Variants in GALNTL6 observed in about 807,000 individuals in gnomAD.
GALNTL6 encodes polypeptide N-acetylgalactosaminyltransferase-like 6.
In GALNTL6, 46 loss-of-function variants were observed where a neutral mutation model predicts 73.7. The ratio of observed to expected loss-of-function variants is 0.62; its 90% CI spans 0.49 to 0.80. GALNTL6 has a LOEUF of 0.80. Ranked by LOEUF, GALNTL6 falls within the 30% of genes least tolerant of loss-of-function variation. GALNTL6 has a pLI of 0.00. For missense variants in GALNTL6, 604 were observed against 755.0 expected (o/e 0.80, Z 2.34); for synonymous variants, 259 against 263.7 (o/e 0.98, Z 0.17).
At chr4:171,926,631 T>C (rs1221808608) in intron 2 of GALNTL6, among the ~76,000 whole-genome samples, 1 of 152,138 alleles carries the variant, frequency 6.6e-6, no homozygotes, top group Non-Finnish European at 1.5e-5. Context: ...TTAAAAAACT[T>C]ACAATAAAAG....
intron 9 of GALNTL6, among the ~76,000 whole-genome samples, chr4:172,948,111 T>C (rs1749262245): frequency 6.6e-6 from 1 of 152,216 alleles, no homozygotes; most frequent in Admixed American, 6.5e-5. Context: ...TTGAATATAA[T>C]AATTGACACT....
At chr4:172,672,199 G>C (rs1487043795) in intron 5 of GALNTL6, among the ~76,000 whole-genome samples, 1 of 152,140 alleles carries the variant, frequency 6.6e-6, no homozygotes, top group African/African-American at 2.4e-5. Context: ...CCAATACCTA[G>C]TTTATTGACT....
rs200890298 is a variant in GALNTL6 at position 171,887,853 on chromosome 4, TCAAA to T, written c.138+73148_138+73151del. Among the ~76,000 whole-genome samples, 783 of 152,268 alleles carry T rather than the reference TCAAA, an allele frequency of 5.1e-3. 7 individuals are homozygous for T. Among genetic ancestry groups the T allele is most frequent in the African/African-American group, 0.016 (658 of 41,564 alleles). On this transcript the variant is annotated intron_variant, in intron 2 of 12. Coordinates refer to ENST00000506823, the MANE Select transcript of GALNTL6 (RefSeq NM_001034845.3). ...CCTCCCACTAGGGTTTTTCTCATTGTCAAACAAACAAACAAAAAATAAACGTAAT... is the reference window on the plus strand; with the variant it reads ...CCTCCCACTAGGGTTTTTCTCATTGTCAAACAAACAAAAAATAAACGTAAT...
intron 5 of GALNTL6, among the ~76,000 whole-genome samples, chr4:172,693,510 A>T (rs1030458523): frequency 3.9e-5 from 6 of 152,138 alleles, no homozygotes; most frequent in Non-Finnish European, 7.3e-5. Flanking sequence ...CATTTTAGAG[A>T]GTGATCTTTT....
rs1438881232 is a variant in GALNTL6, at chr4:172,070,120, G to C, written c.139-159536G>C. Among the ~76,000 whole-genome samples the C allele has an allele frequency of 7.3e-5, 8 of 109,158 alleles. 1 individual carries two copies. The highest frequency in any genetic ancestry group is 2.8e-4 in the African/African-American group (8 of 29,002). The allele number at this position is 109,158 out of a possible 152,430, so 71.6% of individuals were successfully genotyped here. A position where few individuals can be genotyped will look rare whatever the true frequency, so the allele number is the denominator to read the frequency against. On this transcript the variant is annotated intron_variant, in intron 2 of 12. Transcript: ENST00000506823. Reference sequence around the variant, plus strand: ...TCGCTGTTTTGCTATTCTAGAAGTGGTGTGTTCTGAAAACGGAAAGGATGC... The same window carrying C: ...TCGCTGTTTTGCTATTCTAGAAGTGCTGTGTTCTGAAAACGGAAAGGATGC...
At position 172,243,273 on chromosome 4, in the gene GALNTL6, C is replaced by T. The variant is rs561712819; in HGVS notation, c.247+13509C>T. ...TTAAGGTCACCAGATCATATGTCCC[C>T]AGTTTAGAAAGGCCTGCCAATCACC... On this transcript the variant is annotated intron_variant, in intron 3 of 12. Coordinates refer to ENST00000506823, the MANE Select transcript of GALNTL6 (RefSeq NM_001034845.3). 5.3e-5 allele frequency among the ~76,000 whole-genome samples: 8 copies of T among 152,276 alleles called. No individual in the cohort carries two copies. In the South Asian group the frequency reaches 1.4e-3, roughly 28 times the overall value.
intron 7 of GALNTL6, among the ~76,000 whole-genome samples, chr4:172,845,782 G>A (rs1743476550): frequency 6.6e-6 from 1 of 152,124 alleles, no homozygotes; most frequent in South Asian, 2.1e-4. Context: ...AGTCAGCAAA[G>A]GGATTTTTTT....
chr4:172,311,675 C>G lies in GALNTL6; in HGVS notation c.309C>G (p.Tyr103Ter). The G allele has an allele frequency of 6.2e-7, 1 of 1,611,732 alleles. No homozygotes were observed. The highest frequency in any genetic ancestry group is 1.3e-5 in the African/African-American group (1 of 74,920). Residue 103 changes from tyrosine to a stop codon, truncating the protein, a stop_gained, in exon 4 of 13, where the codon TAC becomes TAG. Coordinates refer to ENST00000506823, the MANE Select transcript of GALNTL6 (RefSeq NM_001034845.3). LOFTEE classifies it high-confidence loss of function. ...AAGAGGACCATGATGACTCAGCTTA[C>G]AGGGAAAATGGTTTTAATATTTTCG... ...LTEEDHDDSA[Y>*]RENGFNIFVS... is the part of the protein sequence containing the mutation.
intron 10 of GALNTL6, among the ~76,000 whole-genome samples, chr4:172,966,644 G>A (rs1446067172): frequency 1.3e-5 from 2 of 152,002 alleles, no homozygotes; most frequent in Non-Finnish European, 2.9e-5. Context: ...CACCCGCCTC[G>A]GCCTCCCAAA....
At chr4:172,545,583 T>G (rs1461272361) in intron 5 of GALNTL6, 1 of 152,268 alleles carries the variant, frequency 6.6e-6, no homozygotes, top group Non-Finnish European at 1.5e-5. Context: ...TCCCTTATCC[T>G]TCTGGCACTT....
At chr4:172,141,882 A>AACAC (rs200060015) in intron 2 of GALNTL6, among the ~76,000 whole-genome samples, 2 of 108,882 alleles carry the variant, frequency 1.8e-5, no homozygotes, top group African/African-American at 7.0e-5. Context: ...AACACACACA[A>AACAC]ACACACACAC....
chr4:172,391,082 T>G (rs990594730), intron 5 of GALNTL6, among the ~76,000 whole-genome samples: 1 of 152,344 alleles, frequency 6.6e-6, no homozygotes, highest in South Asian at 2.1e-4. Context: ...CAAATTTCAA[T>G]AAGCTCAATA....
intron 10 of GALNTL6, among the ~76,000 whole-genome samples, chr4:172,984,373 G>A (rs769059427): frequency 3.9e-5 from 6 of 152,280 alleles, no homozygotes; most frequent in Non-Finnish European, 8.8e-5. Flanking sequence ...CAGATCTCAG[G>A]AGAACTCACT....
intron 3 of GALNTL6, among the ~76,000 whole-genome samples, chr4:172,305,016 A>T (rs1740076985): frequency 6.6e-6 from 1 of 152,168 alleles, no homozygotes; most frequent in East Asian, 1.9e-4. Flanking sequence ...ACCATATCAC[A>T]ATTGCTGGTT....
At chr4:172,118,093 G>C (rs1733035298) in intron 2 of GALNTL6, among the ~76,000 whole-genome samples, 1 of 152,172 alleles carries the variant, frequency 6.6e-6, no homozygotes, top group Admixed American at 6.5e-5. Context: ...AAATAGAGTA[G>C]TTATAGTAGT....
At chr4:172,310,984 AAATTATT>A (rs775495550) in intron 3 of GALNTL6, among the ~76,000 whole-genome samples, 1 of 152,154 alleles carries the variant, frequency 6.6e-6, no homozygotes, top group Non-Finnish European at 1.5e-5. Context: ...AAGATATAAG[AAATTATT>A]AATTCATAGT....
chr4:172,442,699 G>A (rs1268838253), intron 5 of GALNTL6, among the ~76,000 whole-genome samples: 1 of 152,062 alleles, frequency 6.6e-6, no homozygotes, highest in African/African-American at 2.4e-5. Context: ...CATCCATTCA[G>A]TTACCGATAT....
chr4:171,821,129 G>A (rs1188143400), intron 2 of GALNTL6, among the ~76,000 whole-genome samples: 1 of 152,020 alleles, frequency 6.6e-6, no homozygotes, highest in Non-Finnish European at 1.5e-5. Flanking sequence ...TCAGTCTCCT[G>A]GGCTCAAGCA....
At chr4:172,349,640 G>A (rs1422814446) in intron 5 of GALNTL6, among the ~76,000 whole-genome samples, 1 of 151,816 alleles carries the variant, frequency 6.6e-6, no homozygotes, top group Non-Finnish European at 1.5e-5. Context: ...TAAAATACTG[G>A]TCTTTATACA....
Sources: gnomAD v4.1 joint callset for allele counts (sites outside exome capture counted in the v4.1 genomes callset) on GRCh38, gnomAD v4.1.1 for gene constraint, MANE v1.5 for transcripts, NCBI Gene and HGNC (gene_info 2026-07-23, HGNC 2026-07-21) for gene names.